Variants in DLGAP1 observed in about 807,000 individuals in gnomAD.
DLGAP1 encodes DLG associated protein 1.
In DLGAP1, 11 loss-of-function variants were observed where a neutral mutation model predicts 90.8. That is an observed-to-expected ratio of 0.12 (90% CI 0.08 to 0.20). DLGAP1 has a LOEUF of 0.20. DLGAP1 is among the 10% of genes least tolerant of loss of function. DLGAP1 has a pLI of 1.00. For synonymous variants in DLGAP1, 558 were observed against 540.7 expected (o/e 1.03, Z -0.44); for missense variants, 1,050 against 1,333.8 (o/e 0.79, Z 3.31).
intron 5 of DLGAP1, among the ~76,000 whole-genome samples, chr18:3,786,651 C>A (rs924847508): frequency 6.6e-6 from 1 of 152,278 alleles, no homozygotes; most frequent in Middle Eastern, 3.4e-3. Context: ...CAGGTGAGAA[C>A]ATGGGGCCCT....
In DLGAP1 at chr18:3,498,002, TA is replaced by T. The variant is rs1219072643; in HGVS notation, c.*1182del. 1 of 152,350 alleles carries T rather than the reference TA, an allele frequency of 6.6e-6. No homozygotes were observed. The highest frequency in any genetic ancestry group is 2.4e-5 in the African/African-American group (1 of 41,576). The allele number at this position is 152,350 out of a possible 1,614,324, so 9.4% of individuals were successfully genotyped here. Reference sequence around the variant, plus strand: ...AGCCATTTGACACAGGACAGAATCCTATGCTAGGTATTACTGGACTCTGCAG... The same window carrying T: ...AGCCATTTGACACAGGACAGAATCCTTGCTAGGTATTACTGGACTCTGCAG... On this transcript the variant is annotated 3_prime_UTR_variant, in exon 13 of 13. Coordinates refer to ENST00000315677, the MANE Select transcript of DLGAP1 (RefSeq NM_004746.4).
At chr18:4,129,136 C>T (rs2076275449) in intron 2 of DLGAP1, among the ~76,000 whole-genome samples, 1 of 152,046 alleles carries the variant, frequency 6.6e-6, no homozygotes, top group African/African-American at 2.4e-5. Flanking sequence ...AATAGAGGGG[C>T]TACCGAAATG....
chr18:4,196,937 C>A (rs1972146), intron 1 of DLGAP1, among the ~76,000 whole-genome samples: 1 of 151,494 alleles, frequency 6.6e-6, no homozygotes, highest in Admixed American at 6.6e-5. Context: ...CTTTGGGAGG[C>A]CGAGGTGGGT....
chr18:4,296,388 A>T (rs2079982538), intron 1 of DLGAP1, among the ~76,000 whole-genome samples: 1 of 152,218 alleles, frequency 6.6e-6, no homozygotes, highest in Non-Finnish European at 1.5e-5. Flanking sequence ...GAAAAGACAC[A>T]GCAGGTTAAA....
intron 7 of DLGAP1, among the ~76,000 whole-genome samples, chr18:3,609,502 G>A (rs2057494194): frequency 6.6e-6 from 1 of 152,328 alleles, no homozygotes; most frequent in East Asian, 1.9e-4. Flanking sequence ...CGCTAGAAAA[G>A]GCTGTGTCTG....
rs1471250707 is a variant in DLGAP1, at chr18:3,499,794, C to T, written c.2725-400G>A. Among the ~76,000 whole-genome samples the T allele has an allele frequency of 6.6e-6, 1 of 152,076 alleles. No homozygotes were observed. The highest frequency in any genetic ancestry group is 1.5e-5 in the Non-Finnish European group (1 of 68,010). On this transcript the variant is annotated intron_variant, in intron 12 of 12. Coordinates refer to ENST00000315677, the MANE Select transcript of DLGAP1 (RefSeq NM_004746.4). The surrounding 1 kb of genome is among the most constrained non-coding windows in gnomAD (Gnocchi z 6.4). ...AGCAGCATCTTAGAACCCCTGCATC[C>T]CCTCTAAGGATGCAAGTCACCGGGT... is the stretch of plus-strand genomic sequence containing the variant.
At chr18:3,736,111 C>T (rs1485029450) in intron 6 of DLGAP1, among the ~76,000 whole-genome samples, 2 of 152,052 alleles carry the variant, frequency 1.3e-5, no homozygotes, top group East Asian at 3.8e-4. Flanking sequence ...AACATGTTGC[C>T]AGAGAAAATA....
intron 1 of DLGAP1, among the ~76,000 whole-genome samples, chr18:4,163,983 A>C (rs912700857): frequency 6.6e-6 from 1 of 152,206 alleles, no homozygotes; most frequent in African/African-American, 2.4e-5. Context: ...GGGCTTGGCC[A>C]GTGAAAATTC....
intron 2 of DLGAP1, among the ~76,000 whole-genome samples, chr18:4,115,000 T>C (rs1039752110): frequency 2.0e-5 from 3 of 152,170 alleles, no homozygotes; most frequent in Non-Finnish European, 4.4e-5. Context: ...TGTCATTGTT[T>C]TCTGTATGTC....
intron 3 of DLGAP1, among the ~76,000 whole-genome samples, chr18:3,985,621 A>G (rs2073826814): frequency 6.6e-6 from 1 of 152,028 alleles, no homozygotes; most frequent in Non-Finnish European, 1.5e-5. Context: ...CATATGTTTT[A>G]ATAGATGCAT....
At chr18:4,453,703 C>CA (rs1266729120) in intron 1 of DLGAP1, among the ~76,000 whole-genome samples, 1 of 152,198 alleles carries the variant, frequency 6.6e-6, no homozygotes, top group Non-Finnish European at 1.5e-5. Context: ...ACGAAGACCA[C>CA]AAAAGCTAAA....
At chr18:3,558,355 C>G (rs1346925344) in intron 9 of DLGAP1, among the ~76,000 whole-genome samples, 1 of 152,130 alleles carries the variant, frequency 6.6e-6, no homozygotes, top group Non-Finnish European at 1.5e-5. Context: ...GCCTCAGCCT[C>G]CCGAGTAGCT....
intron 3 of DLGAP1, among the ~76,000 whole-genome samples, chr18:3,993,797 A>G (rs1461435052): frequency 6.6e-6 from 1 of 152,096 alleles, no homozygotes. Flanking sequence ...GTGCAGCAAC[A>G]AAATCAGGGT....
intron 2 of DLGAP1, among the ~76,000 whole-genome samples, chr18:4,139,314 T>A (rs1031108777): frequency 1.3e-5 from 2 of 152,020 alleles, no homozygotes; most frequent in Non-Finnish European, 2.9e-5. Flanking sequence ...CTTTCATACG[T>A]TGTGTTTCCA....
chr18:4,239,082 C>A (rs954501577), intron 1 of DLGAP1, among the ~76,000 whole-genome samples: 2 of 152,170 alleles, frequency 1.3e-5, no homozygotes, highest in Non-Finnish European at 2.9e-5. Flanking sequence ...CAGTGCACAA[C>A]TTCAGAGAGT....
At chr18:3,592,401 T>A (rs962390966) in intron 7 of DLGAP1, among the ~76,000 whole-genome samples, 3 of 152,296 alleles carry the variant, frequency 2.0e-5, no homozygotes, top group African/African-American at 4.8e-5. Context: ...GCTGGAGTCC[T>A]CCACCGGCAA....
At chr18:3,687,252 T>C (rs1042499653) in intron 7 of DLGAP1, among the ~76,000 whole-genome samples, 7 of 152,212 alleles carry the variant, frequency 4.6e-5, no homozygotes, top group African/African-American at 1.7e-4. Flanking sequence ...AAGAAGTGAA[T>C]ACAGGCACTC....
chr18:4,006,538 C>T (rs955142385), intron 2 of DLGAP1, among the ~76,000 whole-genome samples: 1 of 152,126 alleles, frequency 6.6e-6, no homozygotes, highest in African/African-American at 2.4e-5. Flanking sequence ...TTTGCAGTCA[C>T]AGTTGGAGGA....
chr18:3,608,129 C>A (rs189257679), intron 7 of DLGAP1: 1 of 152,168 alleles, frequency 6.6e-6, no homozygotes, highest in Non-Finnish European at 1.5e-5. Context: ...TCAAGACCAG[C>A]CTGACCAACA....
Sources: allele counts gnomAD v4.1 joint callset (sites outside exome capture counted in the v4.1 genomes callset), GRCh38; gene constraint gnomAD v4.1.1; non-coding constraint Gnocchi (gnomAD v3.1); transcripts MANE v1.5; gene names NCBI Gene and HGNC (gene_info 2026-07-23, HGNC 2026-07-21).